Variants in ADGRB3 observed in about 807,000 individuals in gnomAD.
ADGRB3 encodes the protein adhesion G protein-coupled receptor B3.
Under a neutral mutation model 193.4 loss-of-function variants are expected in ADGRB3, and 37 were observed. The observed-to-expected ratio is 0.19, with a 90% CI of 0.15 to 0.25. ADGRB3 has a LOEUF of 0.25. Ranked by LOEUF, ADGRB3 falls within the 10% of genes least tolerant of loss-of-function variation. The pLI, the probability that ADGRB3 is intolerant of heterozygous loss-of-function variation, is 1.00. For synonymous variants in ADGRB3, 690 were observed against 644.2 expected, an observed-to-expected ratio of 1.07 and a Z score of -1.08; for missense variants, 1,637 against 1,852.9, an observed-to-expected ratio of 0.88 and a Z score of 2.14.
chr6:68,854,575 T>C (rs1401155434), intron 3 of ADGRB3, among the ~76,000 whole-genome samples: 3 of 151,970 alleles, frequency 2.0e-5, no homozygotes, highest in African/African-American at 7.2e-5. Flanking sequence ...TTTTTGGAGC[T>C]TTGCTAGTTG....
chr6:69,189,456 G>A (rs774376557), intron 17 of ADGRB3, among the ~76,000 whole-genome samples: 5 of 152,110 alleles, frequency 3.3e-5, no homozygotes, highest in African/African-American at 4.8e-5. Flanking sequence ...CTATTGACCC[G>A]GCATGAGAAG....
At position 68,638,927 on chromosome 6, in the gene ADGRB3, A is replaced by G. The variant is rs776107282; in HGVS notation, c.252A>G (p.Ser84=). The part of the protein sequence containing the change: ...SKKDLSCSNF[S]LLAYQFDHFS... Reference sequence around the variant, plus strand: ...AGGACCTTAGCTGCTCTAACTTTTCACTCCTGGCTTATCAGTTTGATCATT... The same window carrying G: ...AGGACCTTAGCTGCTCTAACTTTTCGCTCCTGGCTTATCAGTTTGATCATT... The change falls in exon 3 of 32, where the codon TCA becomes TCG. Residue 84 remains serine, a synonymous_variant. Transcript: ENST00000370598. 2.5e-6 allele frequency: 4 copies of G among 1,614,018 alleles called. No homozygotes were observed. In the South Asian group the frequency reaches 4.4e-5, roughly 18 times the overall value.
intron 3 of ADGRB3, among the ~76,000 whole-genome samples, chr6:68,789,285 G>T (rs568009169): frequency 3.9e-5 from 6 of 152,260 alleles, no homozygotes; most frequent in African/African-American, 1.4e-4. Context: ...TTTTGCAGTG[G>T]CTGGTACCAG....
At chr6:69,190,594 AAG>A (rs1206529421) in intron 17 of ADGRB3, among the ~76,000 whole-genome samples, 2 of 152,078 alleles carry the variant, frequency 1.3e-5, no homozygotes, top group Non-Finnish European at 2.9e-5. Context: ...TTATTGAAGA[AAG>A]AAAATTATTT....
chr6:68,772,939 A>C, intron 3 of ADGRB3, among the ~76,000 whole-genome samples: 3 of 44,928 alleles, frequency 6.7e-5, no homozygotes, highest in African/African-American at 1.2e-4. Flanking sequence ...ATATACATAC[A>C]CACACAAAAA....
intron 8 of ADGRB3, among the ~76,000 whole-genome samples, chr6:68,963,691 C>T (rs1768296516): frequency 1.3e-5 from 2 of 152,170 alleles, no homozygotes; most frequent in Non-Finnish European, 2.9e-5. Flanking sequence ...CCTGTCCCCT[C>T]TCTTATCCTC....
chr6:68,889,534 G>A (rs754139812), intron 3 of ADGRB3, among the ~76,000 whole-genome samples: 1 of 140,322 alleles, frequency 7.1e-6, no homozygotes, highest in Non-Finnish European at 1.5e-5. Flanking sequence ...ACGGCTTCTC[G>A]CTCTGTCCCC....
chr6:68,701,720 G>T (rs1765246220), intron 3 of ADGRB3, among the ~76,000 whole-genome samples: 1 of 152,030 alleles, frequency 6.6e-6, no homozygotes, highest in South Asian at 2.1e-4. Context: ...GACCAAAACA[G>T]GTTCATTTTT....
At chr6:69,149,805 C>G (rs1221389921) in intron 17 of ADGRB3, among the ~76,000 whole-genome samples, 1 of 152,084 alleles carries the variant, frequency 6.6e-6, no homozygotes, top group African/African-American at 2.4e-5. Context: ...CTCTTGCAGA[C>G]CAACTTGGTG....
chr6:68,963,638 T>C (rs1353095553), intron 8 of ADGRB3, among the ~76,000 whole-genome samples: 3 of 152,194 alleles, frequency 2.0e-5, no homozygotes, highest in Non-Finnish European at 2.9e-5. Context: ...TCTCCCCTTA[T>C]GGTGCTGTTT....
chr6:68,714,843 T>C (rs907253333), intron 3 of ADGRB3, among the ~76,000 whole-genome samples: 17 of 151,796 alleles, frequency 1.1e-4, no homozygotes, highest in Non-Finnish European at 1.6e-4. Flanking sequence ...CACTTTGAGC[T>C]TTGTAACCCT....
At chr6:69,092,196 G>C (rs1340063622) in intron 17 of ADGRB3, among the ~76,000 whole-genome samples, 2 of 152,094 alleles carry the variant, frequency 1.3e-5, no homozygotes, top group South Asian at 2.1e-4. Context: ...ATCTTCACAG[G>C]CTTGAGTCAT....
intron 3 of ADGRB3, among the ~76,000 whole-genome samples, chr6:68,816,501 T>C (rs563576398): frequency 6.6e-6 from 1 of 152,186 alleles, no homozygotes; most frequent in East Asian, 1.9e-4. Context: ...AGTTTGGTAG[T>C]TTGATTTACA....
chr6:69,294,190 A>C (rs1767759142), intron 20 of ADGRB3, among the ~76,000 whole-genome samples: 1 of 151,156 alleles, frequency 6.6e-6, no homozygotes, highest in South Asian at 2.1e-4. Context: ...TTTTTTTTTT[A>C]AGTGTTAGAA....
intron 20 of ADGRB3, among the ~76,000 whole-genome samples, chr6:69,302,793 C>A (rs1026040450): frequency 1.3e-4 from 20 of 151,916 alleles, no homozygotes; most frequent in Non-Finnish European, 2.9e-4. Flanking sequence ...AAGCTCTAAA[C>A]AATAAACTCC....
intron 20 of ADGRB3, among the ~76,000 whole-genome samples, chr6:69,283,327 A>C (rs1767476498): frequency 1.3e-5 from 2 of 152,210 alleles, no homozygotes; most frequent in Admixed American, 6.5e-5. Flanking sequence ...AGAGCAGCCC[A>C]GACCTGGGGC....
chr6:69,255,794 T>C (rs541091941), intron 20 of ADGRB3, among the ~76,000 whole-genome samples: 1 of 152,332 alleles, frequency 6.6e-6, no homozygotes, highest in South Asian at 2.1e-4. Flanking sequence ...ATGTCCTGAA[T>C]GGTAATGCCT....
At position 69,315,502 on chromosome 6, in the gene ADGRB3, C is replaced by T. The variant is rs529699692; in HGVS notation, c.2815-9370C>T. Among the ~76,000 whole-genome samples, 858 of 151,550 alleles carry T rather than the reference C, an allele frequency of 5.7e-3. 9 individuals are homozygous for T. The highest frequency in any genetic ancestry group is 0.02 in the African/African-American group (819 of 41,438). ...ACCTTTGTGCAAATCCCTGTTTTAG[C>T]CATTATCTTATTTCATCTTCATAAT... On this transcript the variant is annotated intron_variant, in intron 20 of 31. Coordinates refer to ENST00000370598, the MANE Select transcript of ADGRB3 (RefSeq NM_001704.3).
intron 31 of ADGRB3, among the ~76,000 whole-genome samples, chr6:69,387,359 G>A (rs1209628671): frequency 6.6e-6 from 1 of 152,074 alleles, no homozygotes; most frequent in African/African-American, 2.4e-5. Flanking sequence ...AGAGCTACAA[G>A]ACTGTAATTC....
Sources: allele counts gnomAD v4.1 joint callset (sites outside exome capture counted in the v4.1 genomes callset), GRCh38; gene constraint gnomAD v4.1.1; transcripts MANE v1.5; gene names NCBI Gene and HGNC (gene_info 2026-07-23, HGNC 2026-07-21).